ATM: variants seen among roughly 807,000 people sequenced by gnomAD.
ATM encodes serine-protein kinase ATM.
In ATM, 308 loss-of-function variants were observed where a neutral mutation model predicts 387.0. The observed-to-expected ratio is 0.80, with a 90% confidence interval of 0.73 to 0.87. The LOEUF (loss-of-function observed/expected upper bound fraction) is 0.87, where lower values mean the gene tolerates loss of function less well. Ranked by LOEUF, ATM falls within the 40% of genes least tolerant of loss-of-function variation. ATM has a pLI of 0.00. For missense variants in ATM, 3,312 were observed against 3,560.9 expected, an observed-to-expected ratio of 0.93 and a Z score of 1.78; for synonymous variants, 1,156 against 1,187.3, an observed-to-expected ratio of 0.97 and a Z score of 0.54.
rs778502800 is a variant in ATM, at chr11:108,268,622, A to G, written c.2838+13A>G. On this transcript the variant is annotated intron_variant, in intron 18 of 62. Transcript: ENST00000675843. ...CCACCTGCATATGGTGAGTTACGTT[A>G]AATGAAGAAGCTCTTGGATTTTATC... 2.5e-6 allele frequency: 4 copies of G among 1,612,546 alleles called. No individual in the cohort carries two copies. The African/African-American group carries it at 5.3e-5, about 22-fold the overall frequency.
intron 46 of ATM, 92 bp from the exon 47 acceptor site, chr11:108,325,966 G>T (rs1008681022): frequency 3.9e-5 from 58 of 1,472,592 alleles, no homozygotes; most frequent in Non-Finnish European, 5.0e-5. Context: ...AGTCCTCAAT[G>T]AATGGTAGTT....
At chr11:108,354,070 A>ACACACACACACACAC (rs2089570249) in intron 60 of ATM, among the ~76,000 whole-genome samples, 190 bp downstream of exon 60, 29 of 114,830 alleles carry the variant, frequency 2.5e-4, no homozygotes, top group African/African-American at 8.0e-4. Flanking sequence ...CACACACACA[A>ACACACACACACACAC]ACACACACAC....
At chr11:108,350,227 G>T (rs1445310006) in intron 59 of ATM, among the ~76,000 whole-genome samples, 1 of 152,130 alleles carries the variant, frequency 6.6e-6, no homozygotes, top group Non-Finnish European at 1.5e-5. Context: ...CATCCTTGGA[G>T]CTTAAGTTGT....
rs1276448817 is a variant in ATM at position 108,367,714 on chromosome 11, C to G, written c.*2206C>G. ...CACTCATTCATATTTGATCTCCTCA[C>G]CTTCCCCTCCCCTAAAACCAATCTC... On this transcript the variant is annotated 3_prime_UTR_variant, in exon 63 of 63. Coordinates refer to ENST00000675843, the MANE Select transcript of ATM (RefSeq NM_000051.4). 4.6e-6 allele frequency: 1 copy of G among 216,476 alleles called. No homozygotes were observed. Among genetic ancestry groups the G allele is most frequent in the Non-Finnish European group, 9.3e-6 (1 of 107,478 alleles). 13.4% of individuals were successfully genotyped at this position (216,476 alleles called of 1,614,324 possible). A position where few individuals can be genotyped will look rare whatever the true frequency, so the allele number is the denominator to read the frequency against.
chr11:108,354,744 C>A, intron 60 of ATM, 67 bp from the exon 61 acceptor site: 1 of 1,318,366 alleles, frequency 7.6e-7, no homozygotes, highest in Non-Finnish European at 1.1e-6. Flanking sequence ...TGAGAGTATA[C>A]AGATAAAGAT....
At chr11:108,324,114 G>T (rs900315417) in intron 45 of ATM, among the ~76,000 whole-genome samples, 21 of 152,066 alleles carry the variant, frequency 1.4e-4, no homozygotes, top group Non-Finnish European at 2.6e-4. Context: ...TTACATTATA[G>T]TAGGTATAAT....
chr11:108,331,771 C>A, intron 51 of ATM, 108 bp from the exon 52 acceptor site: 1 of 1,362,056 alleles, frequency 7.3e-7, no homozygotes, highest in Non-Finnish European at 1.0e-6. Context: ...ACGCTCTACC[C>A]ACTGCAGTAT....
intron 55 of ATM, chr11:108,335,358 G>T (rs1396932048): frequency 8.3e-6 from 10 of 1,211,376 alleles, no homozygotes; most frequent in South Asian, 2.8e-5. Context: ...GTACAGACAT[G>T]TACAGTGAGG....
At chr11:108,271,466 A>G (rs2081580884) in intron 20 of ATM, 60 bp downstream of exon 20, 4 of 1,572,594 alleles carry the variant, frequency 2.5e-6, no homozygotes, top group Non-Finnish European at 2.6e-6. Context: ...TACGAATGCA[A>G]GTTTTGTATC....
At chr11:108,315,201 C>A (rs185409295) in intron 40 of ATM, among the ~76,000 whole-genome samples, 1 of 152,240 alleles carries the variant, frequency 6.6e-6, no homozygotes, top group East Asian at 1.9e-4. Flanking sequence ...AGCAGATACT[C>A]ACAACACAAT....
At chr11:108,271,744 ATTT>A (rs1439157878) in intron 20 of ATM, among the ~76,000 whole-genome samples, 1 of 152,244 alleles carries the variant, frequency 6.6e-6, no homozygotes, top group Non-Finnish European at 1.5e-5. Context: ...TTATCTGGTT[ATTT>A]TATGCATATT....
chr11:108,251,292 C>T (rs1302649526), intron 10 of ATM, among the ~76,000 whole-genome samples: 1 of 152,098 alleles, frequency 6.6e-6, no homozygotes, highest in African/African-American at 2.4e-5. Flanking sequence ...TAAGGAATTT[C>T]TTTTTTAGTT....
intron 25 of ATM, 139 bp downstream of exon 25, chr11:108,283,018 G>C: frequency 1.7e-6 from 1 of 575,424 alleles, no homozygotes; most frequent in Non-Finnish European, 3.0e-6. Context: ...TGAGAAGCAG[G>C]ACAGCTTCTT....
chr11:108,296,024 A>G (rs963118940), intron 32 of ATM: 13 of 152,180 alleles, frequency 8.5e-5, no homozygotes, highest in Non-Finnish European at 1.2e-4. Flanking sequence ...AGAGCCAGAC[A>G]TACAAGTTAG....
intron 37 of ATM, among the ~76,000 whole-genome samples, chr11:108,305,808 G>T (rs1348445853): frequency 1.3e-5 from 2 of 151,974 alleles, no homozygotes; most frequent in Non-Finnish European, 2.9e-5. Flanking sequence ...GGCTCATTAT[G>T]GGTCAGTTTT....
intron 59 of ATM, among the ~76,000 whole-genome samples, chr11:108,352,426 A>G (rs182112709): frequency 6.6e-6 from 1 of 152,320 alleles, no homozygotes; most frequent in African/African-American, 2.4e-5. Context: ...AGAAGAAATT[A>G]TCAGTGAATA....
intron 16 of ATM, among the ~76,000 whole-genome samples, chr11:108,262,615 T>C (rs563488984): frequency 1.8e-4 from 28 of 152,284 alleles, no homozygotes; most frequent in Non-Finnish European, 3.8e-4. Flanking sequence ...AATGACAGGA[T>C]CAAATTCACA....
intron 37 of ATM, 25 bp from the exon 38 acceptor site, chr11:108,307,872 G>A: frequency 1.3e-6 from 2 of 1,579,346 alleles, no homozygotes; most frequent in Non-Finnish European, 1.7e-6. Flanking sequence ...GCCTGGGACT[G>A]AGGGGAGATA....
intron 4 of ATM, among the ~76,000 whole-genome samples, chr11:108,232,651 C>T (rs886441848): frequency 7.0e-6 from 1 of 143,586 alleles, no homozygotes; most frequent in Non-Finnish European, 1.5e-5. Flanking sequence ...GCGATTCTCA[C>T]GTGTCAGCCT....
Sources: gnomAD v4.1 joint callset for allele counts (sites outside exome capture counted in the v4.1 genomes callset) on GRCh38, gnomAD v4.1.1 for gene constraint, MANE v1.5 for transcripts, NCBI Gene and HGNC (gene_info 2026-07-23, HGNC 2026-07-21) for gene names.